WDR81: variants seen among roughly 807,000 people sequenced by gnomAD.
WDR81 encodes the protein WD repeat-containing protein 81.
Under a neutral mutation model 140.8 loss-of-function variants are expected in WDR81, and 92 were observed. The ratio of observed to expected loss-of-function variants is 0.65; its 90% CI spans 0.55 to 0.78. The LOEUF (loss-of-function observed/expected upper bound fraction) is 0.78. Among genes scored for constraint, WDR81 ranks in the 30% least tolerant of loss-of-function variants. The pLI, the probability that WDR81 is intolerant of heterozygous loss-of-function variation, is 0.00. For synonymous variants in WDR81, 1,183 were observed against 1,156.4 expected (o/e 1.02, Z -0.47); for missense variants, 2,502 against 2,636.4 (o/e 0.95, Z 1.12).
chr17:1,725,146 C>T lies in WDR81; in HGVS notation c.187C>T (p.Leu63=). Residue 63 remains leucine (L), a synonymous_variant, in exon 1 of 10, where the codon CTG becomes TTG. Transcript: ENST00000409644. ...GGTGGCCCTAGTGCCTGCGCGCTGG[C>T]TGGCCAGCCTCCGCGATCGCCGGCT... ...HVVALVPARW[L]ASLRDRRLPL... 1 of 1,531,854 alleles carries T rather than the reference C, an allele frequency of 6.5e-7. No individual in the cohort carries two copies. The highest frequency in any genetic ancestry group is 8.7e-7 in the Non-Finnish European group (1 of 1,143,142). 94.9% of individuals were successfully genotyped at this position (1,531,854 alleles called of 1,614,324 possible).
At chr17:1,731,344 G>C (rs183651748) in intron 4 of WDR81, 86 bp downstream of exon 4, 4 of 1,450,016 alleles carry the variant, frequency 2.8e-6, no homozygotes, top group Non-Finnish European at 3.7e-6. Context: ...GGGAGAGGAC[G>C]TAACACTGGA....
chr17:1,719,940 C>T (rs1330835180), upstream of WDR81, among the ~76,000 whole-genome samples: 2 of 152,160 alleles, frequency 1.3e-5, no homozygotes, highest in African/African-American at 4.8e-5. Flanking sequence ...CGCCACTGCA[C>T]TCCAGCCTAG....
rs1405539533 is a variant in WDR81, at chr17:1,727,929, G to C, written c.2970G>C (p.Gln990His). The C allele has an allele frequency of 6.4e-7, 1 of 1,550,648 alleles. No individual in the cohort carries two copies. Among genetic ancestry groups the C allele is most frequent in the Non-Finnish European group, 8.7e-7 (1 of 1,147,050 alleles). ...TGTACACGGACTGCTTTGTGGCCCAGCTGATGGTGCGGCTGGGCCTGCAGG... is the reference window on the plus strand; with the variant it reads ...TGTACACGGACTGCTTTGTGGCCCACCTGATGGTGCGGCTGGGCCTGCAGG... ...FYLYTDCFVA[Q>H]LMVRLGLQAF... is the part of the protein sequence containing the mutation. Residue 990 changes from glutamine to histidine, a missense_variant, in exon 1 of 10, where the codon CAG becomes CAC. By Grantham distance (24) the Gln-to-His change is conservative. Transcript: ENST00000409644.
intron 6 of WDR81, 31 bp from the exon 7 acceptor site, chr17:1,733,496 C>G (rs765297436): frequency 7.3e-6 from 11 of 1,498,732 alleles, no homozygotes; most frequent in African/African-American, 1.4e-5. Context: ...GCCATCTTCC[C>G]TGTCTCAGGA....
chr17:1,730,558 C>G, intron 2 of WDR81, 71 bp downstream of exon 2: 6 of 1,501,622 alleles, frequency 4.0e-6, no homozygotes, highest in Non-Finnish European at 5.4e-6. Context: ...TCAGCGCTCT[C>G]CGGCGGGGAT....
intron 4 of WDR81, 56 bp from the exon 5 acceptor site, chr17:1,732,269 G>C: frequency 6.4e-7 from 1 of 1,574,642 alleles, no homozygotes; most frequent in Non-Finnish European, 8.6e-7. Flanking sequence ...GATTTTGCTA[G>C]ATTCTGGTCA....
upstream of WDR81, among the ~76,000 whole-genome samples, chr17:1,722,347 CTTT>C (rs543901572): frequency 8.7e-5 from 12 of 138,230 alleles, no homozygotes; most frequent in Non-Finnish European, 1.3e-4. Flanking sequence ...TTTTCTCTCT[CTTT>C]TTTTTTTTTT....
In WDR81 at chr17:1,735,642, C is replaced by T; in HGVS notation, c.5250C>T (p.Ala1750=). ...VPLTAVAVMP[A]PHTSITMASS... The stretch of plus-strand genomic sequence containing the variant: ...TGACTGCGGTGGCTGTCATGCCCGC[C>T]CCCCACACCAGCATCACCATGGCCA... Residue 1750 remains alanine (A), a synonymous_variant, in exon 8 of 10, where the codon GCC becomes GCT. Transcript: ENST00000409644. This position sits in a 1 kb window ranked among gnomAD's most constrained non-coding sequence, Gnocchi z 4.2. The T allele has an allele frequency of 6.2e-7, 1 of 1,612,914 alleles. No individual in the cohort carries two copies. The highest frequency in any genetic ancestry group is 2.2e-5 in the East Asian group (1 of 44,866).
At chr17:1,720,165 G>A (rs1229355537), upstream of WDR81, among the ~76,000 whole-genome samples, 1 of 152,154 alleles carries the variant, frequency 6.6e-6, no homozygotes, top group East Asian at 1.9e-4. Context: ...AGCTGACCCC[G>A]CTCAACATGG....
intron 4 of WDR81, among the ~76,000 whole-genome samples, chr17:1,731,630 G>A (rs1023571015): frequency 3.3e-5 from 5 of 152,094 alleles, no homozygotes; most frequent in Non-Finnish European, 7.3e-5. Context: ...AAGGCCGAGC[G>A]TGGTGTCTCA....
intron 4 of WDR81, among the ~76,000 whole-genome samples, chr17:1,732,098 A>G (rs7503224): frequency 0.72 from 109,645 of 151,752 alleles, 39,607 homozygotes; most frequent in East Asian, 0.85. Context: ...TTAGCCGGGT[A>G]TGGTGGCTCA....
At chr17:1,731,866 G>T (rs1046383569) in intron 4 of WDR81, among the ~76,000 whole-genome samples, 1 of 151,462 alleles carries the variant, frequency 6.6e-6, no homozygotes, top group African/African-American at 2.4e-5. Context: ...AGCGGAGGTT[G>T]CAGTGAGCTG....
Position 1,734,194 on chromosome 17 carries a change from G to A in WDR81, c.5157G>A (p.Val1719=), listed in dbSNP as rs1338438732. ...ACGTGGTGAGCTGTGACGGGGCTGTGCACGTCTGGGACCCCTTCACAGGTG... is the reference window on the plus strand; with the variant it reads ...ACGTGGTGAGCTGTGACGGGGCTGTACACGTCTGGGACCCCTTCACAGGTG... ...PQHVVSCDGA[V]HVWDPFTGKT... Residue 1719 remains valine (V), a synonymous_variant, in exon 7 of 10, where the codon GTG becomes GTA. Coordinates refer to ENST00000409644, the MANE Select transcript of WDR81 (RefSeq NM_001163809.2). The A allele has an allele frequency of 1.3e-6, 2 of 1,592,456 alleles. No individual in the cohort carries two copies. The highest frequency in any genetic ancestry group is 2.2e-5 in the East Asian group (1 of 44,766).
In WDR81 at chr17:1,736,163, C is replaced by G. The variant is rs1415770256; in HGVS notation, c.5450C>G (p.Thr1817Arg). ...TTCATGGTGCTCCTGGACACCCGCA[C>G]AGGCCTGGTTCTGCGAGGCTGGCCA... ...SGFMVLLDTRTGLVLRGWPAH... is the reference protein window; with the variant it reads ...SGFMVLLDTRRGLVLRGWPAH... Residue 1817 changes from threonine (T) to arginine (R), a missense_variant, in exon 9 of 10, where the codon ACA becomes AGA. Coordinates refer to ENST00000409644, the MANE Select transcript of WDR81 (RefSeq NM_001163809.2). 1.2e-6 allele frequency: 2 copies of G among 1,601,282 alleles called. No individual in the cohort carries two copies. The highest frequency in any genetic ancestry group is 1.3e-5 in the African/African-American group (1 of 75,026).
intron 7 of WDR81, among the ~76,000 whole-genome samples, chr17:1,734,445 C>T (rs1904675917): frequency 1.3e-5 from 2 of 152,348 alleles, no homozygotes; most frequent in Non-Finnish European, 2.9e-5. Context: ...GGAAGCGTCT[C>T]CTTTCCCATC....
Position 1,725,521 on chromosome 17 carries a change from T to G in WDR81, c.562T>G (p.Ser188Ala). The G allele has an allele frequency of 1.9e-6, 3 of 1,545,892 alleles. No individual in the cohort carries two copies. Among genetic ancestry groups the G allele is most frequent in the Non-Finnish European group, 2.6e-6 (3 of 1,146,950 alleles). Residue 188 changes from serine (S) to alanine (A), a missense_variant, in exon 1 of 10, where the codon TCC becomes GCC. This residue lies in a region of WDR81 where 547 missense variants were observed against 513.8 expected (regional missense o/e 1.06). Transcript: ENST00000409644. ...RQALQRVYGC[S>A]FLPVGETTQC... The stretch of plus-strand genomic sequence containing the variant: ...GGCTCTGCAGAGGGTCTATGGTTGC[T>G]CCTTCCTGCCAGTGGGTGAAACTAC...
At position 1,732,889 on chromosome 17, in the gene WDR81, G is replaced by GC. The variant is rs1419906576; in HGVS notation, c.4489+62dup. On this transcript the variant is annotated intron_variant, in intron 6 of 9. Coordinates refer to ENST00000409644, the MANE Select transcript of WDR81 (RefSeq NM_001163809.2). ...TCGTGGCTGTCTCCTCCCTTGGGAG[G>GC]CCCCATTCTCTGCCCTTGCCCCAGA... 4 of 1,539,806 alleles carry GC rather than the reference G, an allele frequency of 2.6e-6. No individual in the cohort carries two copies. In the African/African-American group the frequency reaches 5.5e-5, roughly 21 times the overall value.
In WDR81 at chr17:1,725,984, A is replaced by G; in HGVS notation, c.1025A>G (p.Gln342Arg). 1 of 1,549,612 alleles carries G rather than the reference A, an allele frequency of 6.5e-7. No individual in the cohort carries two copies. The highest frequency in any genetic ancestry group is 8.7e-7 in the Non-Finnish European group (1 of 1,146,254). ...GGGCAACCTGGGCAACCCACTGGCC[A>G]GGAGGAACTTCGGAGCCTCGTGCTA... Reference protein sequence around the residue: ...QGGQPGQPTGQEELRSLVLDW... With the variant: ...QGGQPGQPTGREELRSLVLDW... Residue 342 changes from glutamine to arginine, a missense_variant, in exon 1 of 10, where the codon CAG becomes CGG. By Grantham distance (43) the Gln-to-Arg change is conservative. Coordinates refer to ENST00000409644, the MANE Select transcript of WDR81 (RefSeq NM_001163809.2).
rs1915637375 is a variant in WDR81 at position 1,730,736 on chromosome 17, G to A, written c.3776-19G>A. On this transcript the variant is annotated intron_variant, in intron 2 of 9. Coordinates refer to ENST00000409644, the MANE Select transcript of WDR81 (RefSeq NM_001163809.2). ...GGCCCTCCACTGGCGACTCAGGGCT[G>A]CTGGCCCTTCCGTGGCAGGACCCAC... 2 of 1,597,084 alleles carry A rather than the reference G, an allele frequency of 1.3e-6. No individual in the cohort carries two copies. The highest frequency in any genetic ancestry group is 1.7e-5 in the Admixed American group (1 of 59,280).
Sources: allele counts gnomAD v4.1 joint callset (sites outside exome capture counted in the v4.1 genomes callset), GRCh38; gene constraint gnomAD v4.1.1; regional missense constraint gnomAD v4.1.1; non-coding constraint Gnocchi (gnomAD v3.1); transcripts MANE v1.5; gene names NCBI Gene and HGNC (gene_info 2026-07-23, HGNC 2026-07-21).